The following MEGF6 variants were observed in gnomAD, a reference collection of about 807,000 sequenced individuals.
MEGF6 encodes multiple epidermal growth factor-like domains protein 6.
A neutral mutation model predicts 207.1 loss-of-function variants in MEGF6; 184 were observed. The observed-to-expected ratio is 0.89, with a 90% CI of 0.79 to 1.00. The LOEUF is 1.00. MEGF6 is among the 50% of genes least tolerant of loss of function. The pLI is 0.00. For synonymous variants in MEGF6, 1,038 were observed against 910.0 expected, an observed-to-expected ratio of 1.14 and a Z score of -2.53; for missense variants, 2,282 against 2,202.9, an observed-to-expected ratio of 1.04 and a Z score of -0.72.
chr1:3,585,949 G>A (rs1380761575), intron 3 of MEGF6, among the ~76,000 whole-genome samples: 7 of 89,476 alleles, frequency 7.8e-5, no homozygotes. Context: ...GTGGGTGTGA[G>A]GACGCATGTC....
Position 3,505,191 on chromosome 1 carries a change from AG to A in MEGF6, c.2188+16del, listed in dbSNP as rs1641055965. 3 of 1,609,858 alleles carry A rather than the reference AG, an allele frequency of 1.9e-6. No homozygotes were observed. The highest frequency in any genetic ancestry group is 8.5e-7 in the Non-Finnish European group (1 of 1,179,268). Reference sequence around the variant, plus strand: ...CCACAATGAGACTGCCGGGAGCCCCAGGGGCCGGCCACTCACCTTGGCCACA... The same window carrying A: ...CCACAATGAGACTGCCGGGAGCCCCAGGGCCGGCCACTCACCTTGGCCACA... On this transcript the variant is annotated intron_variant, in intron 17 of 36. Coordinates refer to ENST00000356575, the MANE Select transcript of MEGF6 (RefSeq NM_001409.4).
rs1247269027 is a variant in MEGF6, at chr1:3,595,015, G to A, written c.376+323C>T. On this transcript the variant is annotated intron_variant, in intron 3 of 36. Transcript: ENST00000356575. ...GCAGGTAAACCCCGAACTAGGCTCA[G>A]GAGTCCATGAACCACAGACACCAAT... is the stretch of plus-strand genomic sequence containing the variant. Among the ~76,000 whole-genome samples, 10 of 152,114 alleles carry A rather than the reference G, an allele frequency of 6.6e-5. No homozygotes were observed. In the South Asian group the frequency reaches 2.1e-3, roughly 31 times the overall value.
chr1:3,510,252 G>T (rs943939746), intron 10 of MEGF6, among the ~76,000 whole-genome samples: 3 of 152,168 alleles, frequency 2.0e-5, no homozygotes, highest in Admixed American at 6.5e-5. Flanking sequence ...GCAGCCAGGG[G>T]GACAGGCCCA....
chr1:3,543,318 C>T (rs965044185), intron 4 of MEGF6, among the ~76,000 whole-genome samples: 1 of 152,268 alleles, frequency 6.6e-6, no homozygotes, highest in African/African-American at 2.4e-5. Context: ...CTGCGGGTGA[C>T]CAAGCAACGC....
intron 4 of MEGF6, among the ~76,000 whole-genome samples, chr1:3,536,965 C>T (rs1052289739): frequency 1.3e-5 from 2 of 152,402 alleles, no homozygotes; most frequent in Admixed American, 6.5e-5. Context: ...TCCAGCCTTG[C>T]GGCTCAGGCG....
Position 3,565,440 on chromosome 1 carries a change from G to A in MEGF6, c.481+14385C>T, listed in dbSNP as rs1333272960. ...GGTGCCAGCGCCCCACCCTGAGCAC[G>A]CGGCAAGAAGGGAGGTGGGGACCCC... On this transcript the variant is annotated intron_variant, in intron 4 of 36. Coordinates refer to ENST00000356575, the MANE Select transcript of MEGF6 (RefSeq NM_001409.4). The surrounding 1 kb of genome is among the most constrained non-coding windows in gnomAD (Gnocchi z 4.8). Among the ~76,000 whole-genome samples, 1 of 152,194 alleles carries A rather than the reference G, an allele frequency of 6.6e-6. No homozygotes were observed. Among genetic ancestry groups the A allele is most frequent in the East Asian group, 1.9e-4 (1 of 5,172 alleles).
intron 34 of MEGF6, chr1:3,493,137 A>G (rs1640442677): frequency 3.4e-6 from 1 of 292,096 alleles, no homozygotes; most frequent in Non-Finnish European, 6.5e-6. Context: ...CAGCCCCAGC[A>G]GGTGAGCCCC....
In MEGF6 at chr1:3,505,431, A is replaced by G; in HGVS notation, c.2044T>C (p.Cys682Arg). The G allele has an allele frequency of 1.9e-6, 3 of 1,600,926 alleles. No homozygotes were observed. Among genetic ancestry groups the G allele is most frequent in the South Asian group, 1.1e-5 (1 of 90,608 alleles). The change falls in exon 16 of 37, where the codon TGT (cysteine) becomes CGT (arginine). Residue 682 changes from cysteine (C) to arginine (R), a missense_variant. Physicochemically the swap from Cys to Arg is radical, Grantham distance 180. Coordinates refer to ENST00000356575, the MANE Select transcript of MEGF6 (RefSeq NM_001409.4). The part of the protein sequence containing the change: ...SCKAGFRGER[C>R]QAECELGYFG... ...CCATGCCTGGACTCACCTGCCTGAC[A>G]GCGCTCGCCCCGGAAGCCAGCCTTG...
At chr1:3,617,846 G>A in the MEGF6 span, among the ~76,000 whole-genome samples, 2 of 152,194 alleles carry the variant, frequency 1.3e-5, no homozygotes, top group African/African-American at 4.8e-5. Flanking sequence ...GTGTCCATGA[G>A]CCAAGGGGAA....
intron 4 of MEGF6, among the ~76,000 whole-genome samples, chr1:3,540,921 C>G (rs1205119516): frequency 6.6e-6 from 1 of 152,208 alleles, no homozygotes; most frequent in Non-Finnish European, 1.5e-5. Context: ...GGAATACCCA[C>G]TAAGGGCTGG....
At chr1:3,591,300 G>A (rs1037367546) in intron 3 of MEGF6, among the ~76,000 whole-genome samples, 1 of 152,182 alleles carries the variant, frequency 6.6e-6, no homozygotes, top group Admixed American at 6.5e-5. Flanking sequence ...CCACCGAGCA[G>A]GGGGTAAGGC....
At chr1:3,529,827 C>T (rs1233671868) in intron 4 of MEGF6, among the ~76,000 whole-genome samples, 1 of 152,236 alleles carries the variant, frequency 6.6e-6, no homozygotes, top group Non-Finnish European at 1.5e-5. Context: ...ACCCAAGACG[C>T]GCCCCTTCCG....
chr1:3,593,533 C>T (rs977940358), intron 3 of MEGF6, among the ~76,000 whole-genome samples: 3 of 151,160 alleles, frequency 2.0e-5, no homozygotes, highest in African/African-American at 7.3e-5. Context: ...AAAAAGCCCG[C>T]TCTCCCCCAG....
At chr1:3,606,126 A>G (rs1458101356) in intron 1 of MEGF6, among the ~76,000 whole-genome samples, 2 of 152,222 alleles carry the variant, frequency 1.3e-5, no homozygotes, top group African/African-American at 4.8e-5. Context: ...AGAACTCGTG[A>G]TGAACGCACC....
chr1:3,600,324 C>T (rs959907305), intron 2 of MEGF6, among the ~76,000 whole-genome samples: 1 of 152,190 alleles, frequency 6.6e-6, no homozygotes, highest in Middle Eastern at 3.2e-3. Flanking sequence ...CCCACCTCCA[C>T]GATGGCACCC....
At chr1:3,558,003 T>C (rs1643086051) in intron 4 of MEGF6, among the ~76,000 whole-genome samples, 1 of 152,152 alleles carries the variant, frequency 6.6e-6, no homozygotes. Flanking sequence ...ATAGGAAGCA[T>C]GCTTCCGCGG....
intron 2 of MEGF6, among the ~76,000 whole-genome samples, chr1:3,601,254 C>T (rs1644152685): frequency 1.3e-5 from 2 of 152,248 alleles, no homozygotes; most frequent in Non-Finnish European, 2.9e-5. Context: ...CTTCTAGAAA[C>T]AGAGCTCTTC....
intron 4 of MEGF6, among the ~76,000 whole-genome samples, chr1:3,566,442 G>A (rs1013029772): frequency 2.6e-5 from 4 of 152,212 alleles, no homozygotes; most frequent in African/African-American, 4.8e-5. Flanking sequence ...GGCACAGGAC[G>A]CCGGCCAACC....
intron 2 of MEGF6, among the ~76,000 whole-genome samples, chr1:3,598,888 G>A (rs953138735): frequency 6.6e-6 from 1 of 152,092 alleles, no homozygotes; most frequent in Non-Finnish European, 1.5e-5. Flanking sequence ...CAGAGCGCGG[G>A]AGCCCCTTTA....
Sources: gnomAD v4.1 joint callset for allele counts (sites outside exome capture counted in the v4.1 genomes callset) on GRCh38, gnomAD v4.1.1 for gene constraint, Gnocchi (gnomAD v3.1) non-coding constraint, MANE v1.5 for transcripts, NCBI Gene and HGNC (gene_info 2026-07-23, HGNC 2026-07-21) for gene names.